The following SCHIP1 variants were observed in gnomAD, a reference collection of about 807,000 sequenced individuals.
SCHIP1 encodes the protein schwannomin interacting protein 1, also known as schwannomin-interacting protein 1.
Under a neutral mutation model 29.7 loss-of-function variants are expected in SCHIP1, and 8 were observed. The observed-to-expected ratio is 0.27, with a 90% CI of 0.16 to 0.49. SCHIP1 has a LOEUF of 0.49. Ranked by LOEUF, SCHIP1 falls within the 20% of genes least tolerant of loss-of-function variation. The pLI is 0.99. For synonymous variants in SCHIP1, 76 were observed against 94.9 expected (o/e 0.80, Z 1.16); for missense variants, 193 against 294.6 (o/e 0.66, Z 2.52).
At chr3:159,557,374 T>C in the SCHIP1 span, among the ~76,000 whole-genome samples, 5 of 152,366 alleles carry the variant, frequency 3.3e-5, no homozygotes, top group East Asian at 9.6e-4. Context: ...ACTCCTACTA[T>C]GTCTTTTCAT....
chr3:159,599,879 C>T, the SCHIP1 span, among the ~76,000 whole-genome samples: 1 of 151,892 alleles, frequency 6.6e-6, no homozygotes, highest in African/African-American at 2.4e-5. Flanking sequence ...TGTAGGACTC[C>T]TTAAGCAGTT....
chr3:159,360,706 A>C, the SCHIP1 span, among the ~76,000 whole-genome samples: 3 of 152,204 alleles, frequency 2.0e-5, no homozygotes. Flanking sequence ...GAGGTTGACA[A>C]GATAATGTTC....
At chr3:159,454,762 G>T in the SCHIP1 span, among the ~76,000 whole-genome samples, 4 of 152,164 alleles carry the variant, frequency 2.6e-5, no homozygotes, top group African/African-American at 9.7e-5. Flanking sequence ...GGTGAAGGTG[G>T]CAGGAGCCTC....
the SCHIP1 span, among the ~76,000 whole-genome samples, chr3:159,817,682 A>G: frequency 4.6e-5 from 7 of 152,200 alleles, no homozygotes; most frequent in Admixed American, 6.5e-5. Context: ...CTTTTCAGCT[A>G]GAGTTTTTGT....
chr3:159,444,800 G>A, the SCHIP1 span, among the ~76,000 whole-genome samples: 1 of 152,186 alleles, frequency 6.6e-6, no homozygotes, highest in South Asian at 2.1e-4. Flanking sequence ...AATGAAGAGG[G>A]TGGACCTTCG....
chr3:159,491,521 T>A, the SCHIP1 span, among the ~76,000 whole-genome samples: 1 of 152,180 alleles, frequency 6.6e-6, no homozygotes, highest in South Asian at 2.1e-4. Flanking sequence ...CACAGCAGTC[T>A]GAGATCAAAC....
chr3:159,541,853 A>C, the SCHIP1 span, among the ~76,000 whole-genome samples: 1 of 152,106 alleles, frequency 6.6e-6, no homozygotes, highest in Non-Finnish European at 1.5e-5. Flanking sequence ...AGGTTTACCC[A>C]GGGAGAAAAA....
At chr3:159,862,928 A>G (rs890789535) in intron 1 of SCHIP1, among the ~76,000 whole-genome samples, 1 of 152,178 alleles carries the variant, frequency 6.6e-6, no homozygotes, top group African/African-American at 2.4e-5. Flanking sequence ...TTCGAGAGCA[A>G]TGTGACAAAA....
At chr3:159,806,732 T>TA in the SCHIP1 span, among the ~76,000 whole-genome samples, 1 of 152,232 alleles carries the variant, frequency 6.6e-6, no homozygotes, top group South Asian at 2.1e-4. Context: ...CTGCGGGGCT[T>TA]CCTGAGCAGG....
chr3:159,386,535 A>G, the SCHIP1 span, among the ~76,000 whole-genome samples: 1 of 152,146 alleles, frequency 6.6e-6, no homozygotes, highest in Admixed American at 6.5e-5. Flanking sequence ...ACAGTATTGA[A>G]AAAAATACTT....
the SCHIP1 span, among the ~76,000 whole-genome samples, chr3:159,675,004 C>G: frequency 6.6e-6 from 1 of 152,222 alleles, no homozygotes. Flanking sequence ...CAGGAAGGCT[C>G]AGAAAGGAGC....
At chr3:159,510,930 G>T in the SCHIP1 span, among the ~76,000 whole-genome samples, 3 of 152,230 alleles carry the variant, frequency 2.0e-5, no homozygotes, top group African/African-American at 7.2e-5. Context: ...CCCACTTGAG[G>T]AGGCAGTCTG....
intron 1 of SCHIP1, among the ~76,000 whole-genome samples, chr3:159,859,741 CTG>C (rs1043208220): frequency 1.2e-4 from 18 of 152,370 alleles, no homozygotes; most frequent in African/African-American, 2.6e-4. Context: ...AGAACCAACT[CTG>C]TGTTTCATCT....
chr3:159,300,957 C>T, the SCHIP1 span, among the ~76,000 whole-genome samples: 1 of 152,100 alleles, frequency 6.6e-6, no homozygotes, highest in Non-Finnish European at 1.5e-5. Context: ...TGTCACCTGT[C>T]ACATTCTATC....
the SCHIP1 span, among the ~76,000 whole-genome samples, chr3:159,441,894 C>T: frequency 6.6e-6 from 1 of 151,690 alleles, no homozygotes; most frequent in African/African-American, 2.4e-5. Flanking sequence ...ATAGGGTTTC[C>T]CTATGTTGCC....
chr3:159,694,537 CAAGAAAGAAAGAAAGAAAGA>C, the SCHIP1 span, among the ~76,000 whole-genome samples: 13,583 of 119,386 alleles, frequency 0.11, 866 homozygotes, highest in Non-Finnish European at 0.13. Context: ...AAAGAAAAGA[CAAGAAAGAAAGAAAGAAAGA>C]AAGAAAGAAA....
chr3:159,584,784 C>T, the SCHIP1 span, among the ~76,000 whole-genome samples: 332 of 152,182 alleles, frequency 2.2e-3, no homozygotes, highest in Non-Finnish European at 3.8e-3. Context: ...CTGATGCATG[C>T]TGAAGTATGG....
chr3:159,758,471 T>C, the SCHIP1 span, among the ~76,000 whole-genome samples: 5 of 152,186 alleles, frequency 3.3e-5, no homozygotes, highest in Non-Finnish European at 5.9e-5. Context: ...TTTTTGAGAA[T>C]TGCTAGCAAC....
the SCHIP1 span, among the ~76,000 whole-genome samples, chr3:159,458,354 A>T: frequency 5.1e-4 from 77 of 152,258 alleles, no homozygotes; most frequent in African/African-American, 1.8e-3. Context: ...TCCCTGGAGG[A>T]TGTGTTTAAC....
Sources: gnomAD v4.1 joint callset for allele counts (sites outside exome capture counted in the v4.1 genomes callset) on GRCh38, gnomAD v4.1.1 for gene constraint, MANE v1.5 for transcripts, NCBI Gene and HGNC (gene_info 2026-07-23, HGNC 2026-07-21) for gene names.